Variants in SNCAIP observed in about 807,000 individuals in gnomAD.
SNCAIP encodes the protein synphilin-1.
In SNCAIP, 43 loss-of-function variants were observed where a neutral mutation model predicts 86.7. The observed-to-expected ratio is 0.50, with a 90% CI of 0.39 to 0.64. The LOEUF (loss-of-function observed/expected upper bound fraction) is 0.64, where lower values mean the gene tolerates loss of function less well. Ranked by LOEUF, SNCAIP falls within the 30% of genes least tolerant of loss-of-function variation. The probability of loss-of-function intolerance (pLI) is 0.00; values close to 1 mark genes in which losing one functional copy is unlikely to be tolerated. For synonymous variants in SNCAIP, 417 were observed against 427.2 expected, an observed-to-expected ratio of 0.98 and a Z score of 0.29; for missense variants, 981 against 1,103.1, an observed-to-expected ratio of 0.89 and a Z score of 1.57.
At chr5:122,330,301 T>C (rs912149324) in intron 1 of SNCAIP, among the ~76,000 whole-genome samples, 2 of 151,800 alleles carry the variant, frequency 1.3e-5, no homozygotes, top group Middle Eastern at 3.2e-3. Context: ...TTTTGTATTT[T>C]TAGTAGAGAC....
intron 5 of SNCAIP, among the ~76,000 whole-genome samples, chr5:122,431,553 T>C (rs990410468): frequency 6.6e-6 from 1 of 152,046 alleles, no homozygotes; most frequent in African/African-American, 2.4e-5. Flanking sequence ...TTGGGACAAA[T>C]GAGAGGAGGG....
intron 6 of SNCAIP, among the ~76,000 whole-genome samples, chr5:122,438,403 C>G (rs1367870794): frequency 6.6e-6 from 1 of 152,130 alleles, no homozygotes; most frequent in Non-Finnish European, 1.5e-5. Flanking sequence ...AAGGTGGTGT[C>G]CTGTCCAGGG....
chr5:122,370,058 A>T (rs1763978049), intron 1 of SNCAIP: 1 of 152,212 alleles, frequency 6.6e-6, no homozygotes, highest in East Asian at 1.9e-4. Flanking sequence ...AATAGCTAGA[A>T]GAGAAAAATT....
chr5:122,463,880 T>C lies in SNCAIP; in HGVS notation c.*384T>C. 4.8e-6 allele frequency: 1 copy of C among 209,298 alleles called. No homozygotes were observed. Among genetic ancestry groups the C allele is most frequent in the Non-Finnish European group, 9.5e-6 (1 of 105,070 alleles). The allele number at this position is 209,298 out of a possible 1,614,324, so 13.0% of individuals were successfully genotyped here. On this transcript the variant is annotated 3_prime_UTR_variant, in exon 11 of 11. Coordinates refer to ENST00000261368, the MANE Select transcript of SNCAIP (RefSeq NM_005460.4). Reference sequence around the variant, plus strand: ...CCAAGCCACTGATACCATTTTATATTTCATCAATTGCATGAGTATTTGCTA... The same window carrying C: ...CCAAGCCACTGATACCATTTTATATCTCATCAATTGCATGAGTATTTGCTA...
chr5:122,442,610 T>C (rs1215589416), intron 7 of SNCAIP, among the ~76,000 whole-genome samples: 1 of 152,174 alleles, frequency 6.6e-6, no homozygotes, highest in Admixed American at 6.6e-5. Context: ...GTAAAGGAAA[T>C]ATGATTGAAT....
intron 1 of SNCAIP, among the ~76,000 whole-genome samples, chr5:122,354,429 A>G (rs1235271148): frequency 2.0e-5 from 3 of 152,146 alleles, no homozygotes; most frequent in Non-Finnish European, 2.9e-5. Flanking sequence ...TAGAGTGCCC[A>G]ATATTTCTGT....
intron 2 of SNCAIP, among the ~76,000 whole-genome samples, chr5:122,393,947 C>G (rs1332765115): frequency 6.6e-6 from 1 of 152,064 alleles, no homozygotes; most frequent in African/African-American, 2.4e-5. Context: ...TTTAGGTAAA[C>G]TAGGAGCAAT....
chr5:122,331,182 G>A (rs1580826983), intron 1 of SNCAIP, among the ~76,000 whole-genome samples: 2 of 152,106 alleles, frequency 1.3e-5, no homozygotes, highest in Non-Finnish European at 2.9e-5. Flanking sequence ...AACAGGACTC[G>A]AACTGATATC....
chr5:122,347,704 T>A (rs1166307836), intron 1 of SNCAIP, among the ~76,000 whole-genome samples: 3 of 152,118 alleles, frequency 2.0e-5, no homozygotes, highest in Non-Finnish European at 4.4e-5. Flanking sequence ...AAATAATGCA[T>A]GTGACATGAC....
rs112225627 is a variant in SNCAIP, at chr5:122,357,436, A to G, written c.-46-33653A>G. On this transcript the variant is annotated intron_variant, in intron 1 of 10. Coordinates refer to ENST00000261368, the MANE Select transcript of SNCAIP (RefSeq NM_005460.4). ...TTTTTAGTAGAGACAGGGTTTCACC[A>G]TGTTGGCCAGGATGGTCTTGATATC... Among the ~76,000 whole-genome samples the G allele has an allele frequency of 8.6e-3, 1,304 of 151,942 alleles. 20 individuals are homozygous for G. The highest frequency in any genetic ancestry group is 0.03 in the African/African-American group (1,235 of 41,434).
At position 122,450,894 on chromosome 5, in the gene SNCAIP, A is replaced by C; in HGVS notation, c.2047A>C (p.Asn683His). 1.2e-6 allele frequency: 2 copies of C among 1,614,108 alleles called. No individual in the cohort carries two copies. The highest frequency in any genetic ancestry group is 1.7e-6 in the Non-Finnish European group (2 of 1,179,974). Residue 683 changes from asparagine to histidine, a missense_variant, in exon 10 of 11, where the codon AAC becomes CAC. By Grantham distance (68) the Asn-to-His change is moderately conservative. Transcript: ENST00000261368. ...RSLSESDTDS[N>H]NSEDPKTTPV... Reference sequence around the variant, plus strand: ...ACTGAGTGAGTCTGACACAGACTCCAACAACTCTGAGGACCCCAAGACTAC... The same window carrying C: ...ACTGAGTGAGTCTGACACAGACTCCCACAACTCTGAGGACCCCAAGACTAC...
chr5:122,341,073 A>G (rs1400887987), intron 1 of SNCAIP, among the ~76,000 whole-genome samples: 1 of 152,194 alleles, frequency 6.6e-6, no homozygotes, highest in Non-Finnish European at 1.5e-5. Context: ...CCAAGAGCCT[A>G]CTTTGCCGTG....
At chr5:122,357,794 G>C (rs1238114314) in intron 1 of SNCAIP, among the ~76,000 whole-genome samples, 2 of 152,008 alleles carry the variant, frequency 1.3e-5, no homozygotes, top group Non-Finnish European at 2.9e-5. Context: ...TCAGTCCCTC[G>C]ATTGTAGTAG....
intron 2 of SNCAIP, among the ~76,000 whole-genome samples, chr5:122,399,687 T>A (rs1267174821): frequency 6.6e-6 from 1 of 152,140 alleles, no homozygotes; most frequent in African/African-American, 2.4e-5. Flanking sequence ...CTTGGGTAAA[T>A]AAAATATTGT....
chr5:122,431,373 A>C (rs1338333938), intron 5 of SNCAIP, among the ~76,000 whole-genome samples: 2 of 152,200 alleles, frequency 1.3e-5, no homozygotes, highest in Non-Finnish European at 2.9e-5. Flanking sequence ...TATTGGATAA[A>C]TAAATTGTGG....
chr5:122,451,069 A>C lies in SNCAIP; in HGVS notation c.2222A>C (p.Lys741Thr), dbSNP rs1783602083. ...TTTCCTTTCAGCATCAAGGCCTCCA[A>C]ATCCCTGGATGGCCACAGCCCATCT... ...RRFPFSIKAS[K>T]SLDGHSPSPT... Residue 741 changes from lysine to threonine, a missense_variant, in exon 10 of 11, where the codon AAA becomes ACA. Lys to Thr is a moderately conservative substitution (Grantham distance 78). Coordinates refer to ENST00000261368, the MANE Select transcript of SNCAIP (RefSeq NM_005460.4). 6.2e-7 allele frequency: 1 copy of C among 1,614,140 alleles called. No homozygotes were observed. Among genetic ancestry groups the C allele is most frequent in the Non-Finnish European group, 8.5e-7 (1 of 1,180,010 alleles).
At chr5:122,341,381 T>A (rs560122291) in intron 1 of SNCAIP, among the ~76,000 whole-genome samples, 5 of 152,330 alleles carry the variant, frequency 3.3e-5, no homozygotes, top group African/African-American at 1.2e-4. Flanking sequence ...AAATCGGAAG[T>A]GCACACTCTG....
At chr5:122,383,001 C>G (rs1343910891) in intron 1 of SNCAIP, among the ~76,000 whole-genome samples, 2 of 152,248 alleles carry the variant, frequency 1.3e-5, no homozygotes, top group Non-Finnish European at 1.5e-5. Flanking sequence ...TTTTGTCTGT[C>G]TGTGCCCTGC....
chr5:122,388,366 C>G (rs187397792), intron 1 of SNCAIP, among the ~76,000 whole-genome samples: 1 of 152,172 alleles, frequency 6.6e-6, no homozygotes, highest in East Asian at 1.9e-4. Context: ...GCTGTGCTTT[C>G]TGTTACAGCA....
Sources: allele counts gnomAD v4.1 joint callset (sites outside exome capture counted in the v4.1 genomes callset), GRCh38; gene constraint gnomAD v4.1.1; transcripts MANE v1.5; gene names NCBI Gene and HGNC (gene_info 2026-07-23, HGNC 2026-07-21).